Variants in HTT observed in about 807,000 individuals in gnomAD.
The protein encoded by HTT is huntington disease protein.
A neutral mutation model predicts 362.3 loss-of-function variants in HTT; 104 were observed. The observed-to-expected ratio is 0.29, with a 90% CI of 0.24 to 0.34. The LOEUF (loss-of-function observed/expected upper bound fraction) is 0.34, where lower values mean the gene tolerates loss of function less well. Among genes scored for constraint, HTT ranks in the 10% least tolerant of loss-of-function variants. The probability of loss-of-function intolerance (pLI) is 1.00; values close to 1 mark genes in which losing one functional copy is unlikely to be tolerated. For synonymous variants in HTT, 1,577 were observed against 1,548.7 expected (o/e 1.02, Z -0.43); for missense variants, 3,301 against 3,928.6 (o/e 0.84, Z 4.27).
intron 27 of HTT, among the ~76,000 whole-genome samples, chr4:3,155,670 G>T (rs1235935769): frequency 2.0e-5 from 3 of 148,024 alleles, no homozygotes; most frequent in Non-Finnish European, 4.5e-5. Flanking sequence ...TCACGAGGTC[G>T]GGAGTTCAAG....
chr4:3,147,889 G>T, intron 25 of HTT, 116 bp from the exon 26 acceptor site: 1 of 734,048 alleles, frequency 1.4e-6, no homozygotes. Flanking sequence ...TTGAATATCA[G>T]GCACAGATGT....
chr4:3,221,418 A>G (rs1379498527), intron 53 of HTT, among the ~76,000 whole-genome samples: 2 of 152,140 alleles, frequency 1.3e-5, no homozygotes, highest in African/African-American at 4.8e-5. Flanking sequence ...TGAACTGCCC[A>G]TCGGACGTGC....
intron 40 of HTT, among the ~76,000 whole-genome samples, chr4:3,196,777 G>A (rs1296320921): frequency 1.3e-5 from 2 of 150,948 alleles, no homozygotes; most frequent in Admixed American, 6.6e-5. Flanking sequence ...TCACCGTAGC[G>A]AAACATGTAT....
chr4:3,140,336 G>C (rs1397037371), intron 21 of HTT, among the ~76,000 whole-genome samples, 174 bp from the exon 22 acceptor site: 1 of 152,138 alleles, frequency 6.6e-6, no homozygotes, highest in Non-Finnish European at 1.5e-5. Context: ...GTGACCCTGA[G>C]ATTGGAGACA....
chr4:3,143,121 T>A (rs1320087393), intron 23 of HTT, among the ~76,000 whole-genome samples: 5 of 152,214 alleles, frequency 3.3e-5, no homozygotes, highest in African/African-American at 9.6e-5. Flanking sequence ...ATAAAAAAAT[T>A]CAGCCAATTT....
At chr4:3,191,850 A>C (rs1719026335) in intron 40 of HTT, among the ~76,000 whole-genome samples, 1 of 152,224 alleles carries the variant, frequency 6.6e-6, no homozygotes, top group South Asian at 2.1e-4. Context: ...TCTATAAATC[A>C]TGACAAATTA....
intron 21 of HTT, 124 bp downstream of exon 21, chr4:3,136,450 C>T: frequency 2.1e-6 from 1 of 468,648 alleles, no homozygotes; most frequent in Admixed American, 3.9e-5. Context: ...CTCATTTCAG[C>T]CATTCTATTC....
At chr4:3,182,769 G>A (rs1718586736) in intron 37 of HTT, among the ~76,000 whole-genome samples, 1 of 152,172 alleles carries the variant, frequency 6.6e-6, no homozygotes, top group African/African-American at 2.4e-5. Flanking sequence ...TCTAAAGCCC[G>A]AACCCTTACC....
At position 3,074,734 on chromosome 4, in the gene HTT, G is replaced by T. The variant is rs1015889612; in HGVS notation, c.-92G>T. 13 of 1,341,020 alleles carry T rather than the reference G, an allele frequency of 9.7e-6. No homozygotes were observed. Among genetic ancestry groups the T allele is most frequent in the South Asian group, 2.7e-5 (2 of 74,080 alleles). 83.1% of individuals were successfully genotyped at this position (1,341,020 alleles called of 1,614,324 possible). A position where few individuals can be genotyped will look rare whatever the true frequency, so the allele number is the denominator to read the frequency against. ...CCGCTCAGGTTCTGCTTTTACCTGC[G>T]GCCCAGAGCCCCATTCATTGCCCCG... On this transcript the variant is annotated 5_prime_UTR_variant, in exon 1 of 67. Coordinates refer to ENST00000355072, the MANE Select transcript of HTT (RefSeq NM_001388492.1).
chr4:3,215,271 C>A, intron 51 of HTT, 60 bp downstream of exon 51: 4 of 1,298,726 alleles, frequency 3.1e-6, no homozygotes, highest in South Asian at 1.2e-5. Context: ...AAAAATCATT[C>A]ACAGAGACGT....
At chr4:3,083,351 T>A (rs1578483107) in intron 1 of HTT, among the ~76,000 whole-genome samples, 1 of 151,944 alleles carries the variant, frequency 6.6e-6, no homozygotes, top group Non-Finnish European at 1.5e-5. Flanking sequence ...CTATAAGGTC[T>A]CTACAAAAAA....
At chr4:3,214,510 A>T (rs1171200687) in intron 50 of HTT, among the ~76,000 whole-genome samples, 1 of 152,176 alleles carries the variant, frequency 6.6e-6, no homozygotes, top group East Asian at 1.9e-4. Context: ...TCAGAGTTAA[A>T]ATGTTTGTTT....
At chr4:3,226,516 G>A (rs551553857) in intron 57 of HTT, among the ~76,000 whole-genome samples, 5 of 152,196 alleles carry the variant, frequency 3.3e-5, no homozygotes, top group Non-Finnish European at 5.9e-5. Flanking sequence ...TGCATATGAT[G>A]GCACATGGCG....
chr4:3,186,787 C>A, intron 38 of HTT, 68 bp downstream of exon 38: 1 of 1,534,028 alleles, frequency 6.5e-7, no homozygotes, highest in Admixed American at 1.7e-5. Flanking sequence ...ACTGGGACCA[C>A]CCCCAGAATG....
intron 21 of HTT, among the ~76,000 whole-genome samples, chr4:3,138,968 A>G (rs945413276): frequency 3.9e-5 from 6 of 152,190 alleles, no homozygotes; most frequent in East Asian, 3.9e-4. Context: ...TGTTTAATGA[A>G]CAGAATTTAA....
intron 29 of HTT, among the ~76,000 whole-genome samples, chr4:3,162,656 T>C (rs1313797839): frequency 6.6e-6 from 1 of 152,190 alleles, no homozygotes. Context: ...TTGTAAGTTG[T>C]CTTCCTAGGT....
In HTT at chr4:3,206,456, G is replaced by A; in HGVS notation, c.5719-40G>A. ...TGGCATTAATACCTGGTCTCTTCTT[G>A]TGTACTTGAAAATGAATCTCTCATC... On this transcript the variant is annotated intron_variant, in intron 42 of 66. Transcript: ENST00000355072. This position sits in a 1 kb window ranked among gnomAD's most constrained non-coding sequence, Gnocchi z 4.6. 6.5e-7 allele frequency: 1 copy of A among 1,546,798 alleles called. No individual in the cohort carries two copies. The highest frequency in any genetic ancestry group is 8.9e-7 in the Non-Finnish European group (1 of 1,119,444).
intron 6 of HTT, among the ~76,000 whole-genome samples, chr4:3,112,573 A>G (rs1004218797): frequency 6.6e-6 from 1 of 152,166 alleles, no homozygotes; most frequent in Non-Finnish European, 1.5e-5. Context: ...AGTCTTCTAT[A>G]TTATCGTGTG....
At chr4:3,078,735 AT>A (rs112353753) in intron 1 of HTT, among the ~76,000 whole-genome samples, 13,946 of 145,136 alleles carry the variant, frequency 0.096, 1,113 homozygotes, top group African/African-American at 0.23. Flanking sequence ...TGCCTGGGTA[AT>A]TTTTTTTTTT....
Sources: gnomAD v4.1 joint callset for allele counts (sites outside exome capture counted in the v4.1 genomes callset) on GRCh38, gnomAD v4.1.1 for gene constraint, Gnocchi (gnomAD v3.1) non-coding constraint, MANE v1.5 for transcripts, NCBI Gene and HGNC (gene_info 2026-07-23, HGNC 2026-07-21) for gene names.